Variants in XRCC4 observed in about 807,000 individuals in gnomAD.
The protein encoded by XRCC4 is X-ray repair cross complementing 4, also known as DNA repair protein XRCC4.
In XRCC4, 28 loss-of-function variants were observed where a neutral mutation model predicts 39.1. The ratio of observed to expected loss-of-function variants is 0.72; its 90% CI spans 0.53 to 0.98. The LOEUF is 0.98. Among genes scored for constraint, XRCC4 ranks in the 50% least tolerant of loss-of-function variants. The pLI, the probability that XRCC4 is intolerant of heterozygous loss-of-function variation, is 0.00. For synonymous variants in XRCC4, 123 were observed against 126.4 expected (o/e 0.97, Z 0.18); for missense variants, 350 against 376.4 (o/e 0.93, Z 0.58).
chr5:83,315,029 T>A (rs1755831907), intron 7 of XRCC4, among the ~76,000 whole-genome samples: 1 of 152,132 alleles, frequency 6.6e-6, no homozygotes, highest in South Asian at 2.1e-4. Flanking sequence ...GGTACGTCTC[T>A]TTCACCAAAC....
At chr5:83,249,098 C>T (rs1454742740) in intron 6 of XRCC4, among the ~76,000 whole-genome samples, 1 of 151,848 alleles carries the variant, frequency 6.6e-6, no homozygotes, top group East Asian at 1.9e-4. Flanking sequence ...TTTTTTTATA[C>T]CAGAAGTAAC....
intron 7 of XRCC4, chr5:83,280,245 A>C: frequency 3.0e-6 from 1 of 336,108 alleles, no homozygotes; most frequent in African/African-American, 2.2e-5. Flanking sequence ...GTGGAAACCC[A>C]ATTTCTAATT....
At chr5:83,196,058 C>T (rs907382628) in intron 4 of XRCC4, 122 bp downstream of exon 4, 14 of 1,031,558 alleles carry the variant, frequency 1.4e-5, no homozygotes, top group Middle Eastern at 2.3e-4. Context: ...TTTACCTTAA[C>T]TGAATATGAT....
intron 3 of XRCC4, among the ~76,000 whole-genome samples, chr5:83,113,707 A>G (rs1265757021): frequency 6.6e-6 from 1 of 151,856 alleles, no homozygotes. Context: ...ACTCACTGCA[A>G]GCTCCGCCTC....
At chr5:83,175,232 G>A (rs2112631729) in intron 3 of XRCC4, among the ~76,000 whole-genome samples, 1 of 152,204 alleles carries the variant, frequency 6.6e-6, no homozygotes, top group South Asian at 2.1e-4. Context: ...ATGTTATTTA[G>A]TAGTAAATGT....
chr5:83,121,475 G>A (rs1747005601), intron 3 of XRCC4, among the ~76,000 whole-genome samples: 1 of 152,114 alleles, frequency 6.6e-6, no homozygotes. Context: ...ACATTTTAGT[G>A]GGTGTGTGAC....
intron 6 of XRCC4, among the ~76,000 whole-genome samples, chr5:83,214,539 A>G (rs945781177): frequency 6.6e-6 from 1 of 152,102 alleles, no homozygotes; most frequent in Admixed American, 6.6e-5. Flanking sequence ...CATCTTTAAA[A>G]AATAAGGAAT....
chr5:83,113,916 G>A (rs564539976), intron 3 of XRCC4, among the ~76,000 whole-genome samples: 46 of 152,284 alleles, frequency 3.0e-4, no homozygotes, highest in South Asian at 2.1e-3. Flanking sequence ...GTGAGCCACC[G>A]CACCCAGCGC....
intron 7 of XRCC4, among the ~76,000 whole-genome samples, chr5:83,281,507 T>G (rs907846625): frequency 7.1e-6 from 1 of 141,724 alleles, no homozygotes; most frequent in Non-Finnish European, 1.5e-5. Flanking sequence ...TTGTTTTGTT[T>G]TTTTTTTTTA....
intron 7 of XRCC4, among the ~76,000 whole-genome samples, chr5:83,316,034 T>C (rs1561471318): frequency 6.6e-6 from 1 of 151,884 alleles, no homozygotes; most frequent in Non-Finnish European, 1.5e-5. Context: ...AGAACATTCA[T>C]GATTCATGGG....
In XRCC4 at chr5:83,165,831, G is replaced by A. The variant is rs149675715; in HGVS notation, c.316-29939G>A. Among the ~76,000 whole-genome samples the A allele has an allele frequency of 7.1e-3, 1,082 of 151,356 alleles. 14 individuals are homozygous for A. Among genetic ancestry groups the A allele is most frequent in the African/African-American group, 0.025 (1,027 of 41,268 alleles). On this transcript the variant is annotated intron_variant, in intron 3 of 7. Transcript: ENST00000396027. Reference sequence around the variant, plus strand: ...GACATGATCTCATTCTTGTGGCTGCGTAGTATTTCATGGTGTGTATGTACC... The same window carrying A: ...GACATGATCTCATTCTTGTGGCTGCATAGTATTTCATGGTGTGTATGTACC...
rs763501478 is a variant in XRCC4, at chr5:83,111,117, G to A, written c.229G>A (p.Gly77Arg). 39 of 1,611,392 alleles carry A rather than the reference G, an allele frequency of 2.4e-5. No individual in the cohort carries two copies. Among genetic ancestry groups the A allele is most frequent in the Non-Finnish European group, 3.2e-5 (38 of 1,178,870 alleles). Reference sequence around the variant, plus strand: ...TGAACTGAGAAAAGCATTGTTGTCAGGAGCAGGACCAGCTGATGTATACAC... The same window carrying A: ...TGAACTGAGAAAAGCATTGTTGTCAAGAGCAGGACCAGCTGATGTATACAC... The part of the protein sequence containing the change: ...VGELRKALLS[G>R]AGPADVYTFN... The change falls in exon 3 of 8, where the codon GGA (glycine) becomes AGA (arginine). Residue 77 changes from glycine to arginine, a missense_variant. Physicochemically the swap from Gly to Arg is moderately radical, Grantham distance 125. Transcript: ENST00000396027.
In XRCC4 at chr5:83,203,543, CT is replaced by C. The variant is rs1426288677; in HGVS notation, c.483-3del. 1.3e-6 allele frequency: 2 copies of C among 1,574,770 alleles called. No individual in the cohort carries two copies. The highest frequency in any genetic ancestry group is 4.0e-5 in the Admixed American group (2 of 50,468). ...CATGACTAATTTGTTTACTTATTTA[CT>C]TTTTTAGATTTGAAAAATGTGTGAG... On this transcript the variant is annotated splice_polypyrimidine_tract_variant and splice_region_variant and intron_variant, in intron 4 of 7. Transcript: ENST00000396027.
Position 83,104,909 on chromosome 5 carries a change from G to T in XRCC4, c.-10-1G>T, listed in dbSNP as rs869320678. 6.2e-6 allele frequency: 10 copies of T among 1,610,984 alleles called. No homozygotes were observed. Among genetic ancestry groups the T allele is most frequent in the Non-Finnish European group, 7.6e-6 (9 of 1,177,652 alleles). ...ATATTAATTGTATTCTCCCATTACAGGTATTAAGAAATGGAGAGAAAAATA... is the reference window on the plus strand; with the variant it reads ...ATATTAATTGTATTCTCCCATTACATGTATTAAGAAATGGAGAGAAAAATA... On this transcript the variant is annotated splice_acceptor_variant, in intron 1 of 7. Transcript: ENST00000396027. LOFTEE classifies it low-confidence loss of function (5UTR_SPLICE).
At chr5:83,312,272 T>C (rs1755733352) in intron 7 of XRCC4, among the ~76,000 whole-genome samples, 2 of 152,212 alleles carry the variant, frequency 1.3e-5, no homozygotes, top group South Asian at 2.1e-4. Flanking sequence ...AGCTTTCCAG[T>C]TTCTACAGTA....
chr5:83,186,686 T>C (rs566319803), intron 3 of XRCC4, among the ~76,000 whole-genome samples: 4 of 152,302 alleles, frequency 2.6e-5, no homozygotes, highest in African/African-American at 9.6e-5. Flanking sequence ...AGACCCTGAT[T>C]CAGTGTGTTC....
intron 7 of XRCC4, among the ~76,000 whole-genome samples, chr5:83,274,122 T>C (rs1407757445): frequency 6.6e-6 from 1 of 152,214 alleles, no homozygotes; most frequent in African/African-American, 2.4e-5. Flanking sequence ...AGGCACATGA[T>C]AAGTGTTCAG....
intron 6 of XRCC4, among the ~76,000 whole-genome samples, chr5:83,232,090 C>A (rs1752516809): frequency 6.6e-6 from 1 of 151,924 alleles, no homozygotes; most frequent in South Asian, 2.1e-4. Context: ...CTTCTCTTTC[C>A]ATGAAACCAT....
At chr5:83,131,375 T>G (rs539224412) in intron 3 of XRCC4, among the ~76,000 whole-genome samples, 43 of 152,292 alleles carry the variant, frequency 2.8e-4, no homozygotes, top group Non-Finnish European at 4.6e-4. Context: ...TGGAGAGTTC[T>G]GTAGATTGTC....
Sources: allele counts gnomAD v4.1 joint callset (sites outside exome capture counted in the v4.1 genomes callset), GRCh38; gene constraint gnomAD v4.1.1; transcripts MANE v1.5; gene names NCBI Gene and HGNC (gene_info 2026-07-23, HGNC 2026-07-21).